The following RNLS variants were observed in gnomAD, a reference collection of about 807,000 sequenced individuals.
RNLS encodes renalase.
RNLS carries 39 observed loss-of-function variants against 39.8 expected under a neutral mutation model. That is an observed-to-expected ratio of 0.98 (90% CI 0.76 to 1.28). RNLS has a LOEUF of 1.28. Among genes scored for constraint, RNLS ranks in the 50% most tolerant of loss-of-function variants. RNLS has a pLI of 0.00. For synonymous variants in RNLS, 147 were observed against 150.7 expected, an observed-to-expected ratio of 0.98 and a Z score of 0.18; for missense variants, 410 against 413.3, an observed-to-expected ratio of 0.99 and a Z score of 0.07.
rs760440828 is a variant in RNLS, at chr10:88,573,099, T to C, written c.368-38A>G. 9 of 1,601,658 alleles carry C rather than the reference T, an allele frequency of 5.6e-6. No homozygotes were observed. The South Asian group carries it at 8.9e-5, about 16-fold the overall frequency. On this transcript the variant is annotated intron_variant, in intron 3 of 6. Coordinates refer to ENST00000331772, the MANE Select transcript of RNLS (RefSeq NM_001031709.3). Reference sequence around the variant, plus strand: ...CAAAATCATGTCCCCATTATCAGAATTGCATATATGAATAAAGGGGATGTG... The same window carrying C: ...CAAAATCATGTCCCCATTATCAGAACTGCATATATGAATAAAGGGGATGTG...
chr10:88,399,721 T>C (rs1350276520), intron 4 of RNLS, among the ~76,000 whole-genome samples: 1 of 152,034 alleles, frequency 6.6e-6, no homozygotes, highest in Non-Finnish European at 1.5e-5. Flanking sequence ...TGTGAATACA[T>C]AAGGGTGATT....
chr10:88,471,205 A>AAT (rs1440605059), intron 4 of RNLS, among the ~76,000 whole-genome samples: 1 of 152,158 alleles, frequency 6.6e-6, no homozygotes, highest in Admixed American at 6.6e-5. Flanking sequence ...TCTATTCCAT[A>AAT]ATATTACTAT....
chr10:88,221,334 T>A, the RNLS span, among the ~76,000 whole-genome samples: 1 of 152,246 alleles, frequency 6.6e-6, no homozygotes, highest in African/African-American at 2.4e-5. Flanking sequence ...ACCACTTATA[T>A]AAATGTTTGT....
chr10:88,377,335 G>C (rs1324010354), intron 4 of RNLS, among the ~76,000 whole-genome samples: 1 of 151,872 alleles, frequency 6.6e-6, no homozygotes. Context: ...ACAACTGTAA[G>C]CTACAGGGAA....
downstream of RNLS, among the ~76,000 whole-genome samples, chr10:88,270,114 T>C (rs961528587): frequency 2.6e-5 from 4 of 152,072 alleles, no homozygotes; most frequent in Admixed American, 2.0e-4. Context: ...GGAACATGAG[T>C]CTTCTAAACT....
At chr10:88,572,766 C>G in intron 4 of RNLS, 137 bp downstream of exon 4, 2 of 836,958 alleles carry the variant, frequency 2.4e-6, no homozygotes, top group Non-Finnish European at 3.6e-6. Flanking sequence ...TGACGACGGC[C>G]GTAAGTATCA....
At position 88,284,208 on chromosome 10, in the gene RNLS, G is replaced by C; in HGVS notation, c.*1146C>G. Reference sequence around the variant, plus strand: ...AGCTATAGAAGCAAGTTCTGCCTGTGCCTGTGTATGTGTATGTATGACAGT... The same window carrying C: ...AGCTATAGAAGCAAGTTCTGCCTGTCCCTGTGTATGTGTATGTATGACAGT... On this transcript the variant is annotated 3_prime_UTR_variant, in exon 7 of 7. Transcript: ENST00000331772. 6 of 985,222 alleles carry C rather than the reference G, an allele frequency of 6.1e-6. No individual in the cohort carries two copies. The highest frequency in any genetic ancestry group is 7.2e-6 in the Non-Finnish European group (6 of 829,808). 61.0% of individuals were successfully genotyped at this position (985,222 alleles called of 1,614,324 possible).
chr10:88,273,922 A>T lies in RNLS; in HGVS notation c.*1039T>A, dbSNP rs796438228. On this transcript the variant is annotated 3_prime_UTR_variant, in exon 7 of 7. Transcript: ENST00000371947. Reference sequence around the variant, plus strand: ...TTGTTTACTCATAAGGCAGAACACGATTTTAAATATAAACACACATACATA... The same window carrying T: ...TTGTTTACTCATAAGGCAGAACACGTTTTTAAATATAAACACACATACATA... 1.1e-4 allele frequency: 16 copies of T among 152,308 alleles called. 1 individual carries two copies. Among genetic ancestry groups the T allele is most frequent in the African/African-American group, 3.8e-4 (16 of 41,568 alleles). 9.4% of individuals were successfully genotyped at this position (152,308 alleles called of 1,614,324 possible). A position where few individuals can be genotyped will look rare whatever the true frequency, so the allele number is the denominator to read the frequency against.
chr10:88,531,704 A>C (rs948203537), intron 4 of RNLS, among the ~76,000 whole-genome samples: 1 of 152,064 alleles, frequency 6.6e-6, no homozygotes, highest in Non-Finnish European at 1.5e-5. Context: ...ATTCCCTTTT[A>C]AAAGCTCATT....
the RNLS span, among the ~76,000 whole-genome samples, chr10:88,173,356 T>TACCATTACC: frequency 6.6e-6 from 1 of 152,246 alleles, no homozygotes; most frequent in Non-Finnish European, 1.5e-5. Flanking sequence ...TCTGTTTCTG[T>TACCATTACC]ACCATTACCA....
intron 4 of RNLS, among the ~76,000 whole-genome samples, chr10:88,481,336 T>C (rs527248055): frequency 6.6e-6 from 1 of 152,308 alleles, no homozygotes; most frequent in Admixed American, 6.5e-5. Context: ...ACTTACATTT[T>C]CCATTTTGCT....
At chr10:88,316,091 T>C (rs1845747535) in intron 5 of RNLS, among the ~76,000 whole-genome samples, 1 of 152,190 alleles carries the variant, frequency 6.6e-6, no homozygotes, top group Non-Finnish European at 1.5e-5. Context: ...CTGCAAACTT[T>C]TTAAAGTGAA....
At position 88,351,001 on chromosome 10, in the gene RNLS, C is replaced by T. The variant is rs188368812; in HGVS notation, c.700+11551G>A. On this transcript the variant is annotated intron_variant, in intron 5 of 6. Transcript: ENST00000331772. The stretch of plus-strand genomic sequence containing the variant: ...TGGCCAGTGATAAGGAGCATTTTTT[C>T]ATGTGTCTGCTGGCTGCACAAATGT... Among the ~76,000 whole-genome samples, 244 of 152,298 alleles carry T rather than the reference C, an allele frequency of 1.6e-3. 2 individuals are homozygous for T. The highest frequency in any genetic ancestry group is 5.4e-3 in the African/African-American group (224 of 41,570).
At chr10:88,552,794 T>C (rs1394574194) in intron 4 of RNLS, among the ~76,000 whole-genome samples, 3 of 152,156 alleles carry the variant, frequency 2.0e-5, no homozygotes, top group Non-Finnish European at 2.9e-5. Flanking sequence ...GTATATGCTA[T>C]ATGGAAAAAA....
At chr10:88,582,469 A>G (rs1341956629) in intron 1 of RNLS, among the ~76,000 whole-genome samples, 162 bp from the exon 2 acceptor site, 1 of 152,260 alleles carries the variant, frequency 6.6e-6, no homozygotes, top group African/African-American at 2.4e-5. Context: ...AGAAGGAGTC[A>G]TGAACAATGT....
At chr10:88,353,125 A>G (rs1848856038) in intron 5 of RNLS, among the ~76,000 whole-genome samples, 1 of 151,944 alleles carries the variant, frequency 6.6e-6, no homozygotes, top group African/African-American at 2.4e-5. Flanking sequence ...CGGTCTATCA[A>G]TTTTGCTGAT....
At chr10:88,331,661 T>C (rs1847121191) in intron 5 of RNLS, among the ~76,000 whole-genome samples, 1 of 152,142 alleles carries the variant, frequency 6.6e-6, no homozygotes, top group Admixed American at 6.5e-5. Context: ...GACAAGGAGC[T>C]GGGGGCCACA....
rs192258768 is a variant in RNLS, at chr10:88,574,466, C to T, written c.368-1405G>A. Among the ~76,000 whole-genome samples the T allele has an allele frequency of 4.7e-3, 714 of 152,282 alleles. 4 individuals carry two copies. The highest frequency in any genetic ancestry group is 0.016 in the African/African-American group (673 of 41,548). ...TATGATATTCTTCAACCATCACTGCCTTTAGTACTAATTTTGACATTGATT... is the reference window on the plus strand; with the variant it reads ...TATGATATTCTTCAACCATCACTGCTTTTAGTACTAATTTTGACATTGATT... On this transcript the variant is annotated intron_variant, in intron 3 of 6. Coordinates refer to ENST00000331772, the MANE Select transcript of RNLS (RefSeq NM_001031709.3).
chr10:88,381,002 A>G (rs1373362067), intron 4 of RNLS, among the ~76,000 whole-genome samples: 3 of 152,192 alleles, frequency 2.0e-5, no homozygotes, highest in African/African-American at 7.2e-5. Context: ...AAACTGTTTG[A>G]TCATTACTAC....
Sources: allele counts gnomAD v4.1 joint callset (sites outside exome capture counted in the v4.1 genomes callset), GRCh38; gene constraint gnomAD v4.1.1; transcripts MANE v1.5; gene names NCBI Gene and HGNC (gene_info 2026-07-23, HGNC 2026-07-21).